The following ZRANB3 variants were observed in gnomAD, a reference collection of about 807,000 sequenced individuals.
ZRANB3 encodes zinc finger RANBP2-type containing 3.
In ZRANB3, 125 loss-of-function variants were observed where a neutral mutation model predicts 133.8. The observed-to-expected ratio is 0.93, with a 90% CI of 0.81 to 1.08. The LOEUF (loss-of-function observed/expected upper bound fraction) is 1.08, where lower values mean the gene tolerates loss of function less well. Ranked by LOEUF, ZRANB3 falls within the 50% of genes least tolerant of loss-of-function variation. The pLI is 0.00. For synonymous variants in ZRANB3, 387 were observed against 432.7 expected (o/e 0.89, Z 1.31); for missense variants, 1,229 against 1,275.5 (o/e 0.96, Z 0.56).
intron 8 of ZRANB3, among the ~76,000 whole-genome samples, chr2:135,298,789 T>G (rs961347869): frequency 3.3e-5 from 5 of 152,210 alleles, no homozygotes; most frequent in Non-Finnish European, 5.9e-5. Context: ...ACTGGTTTTC[T>G]TGAATGCTGG....
intron 6 of ZRANB3, among the ~76,000 whole-genome samples, chr2:135,328,158 T>C (rs1683935446): frequency 6.6e-6 from 1 of 152,146 alleles, no homozygotes; most frequent in Non-Finnish European, 1.5e-5. Context: ...GTTGGTTTGC[T>C]GCACCCATCA....
chr2:135,486,160 CTCTT>C (rs1425965350), intron 2 of ZRANB3, among the ~76,000 whole-genome samples: 9 of 152,162 alleles, frequency 5.9e-5, no homozygotes, highest in South Asian at 2.1e-4. Flanking sequence ...CATCAATTGA[CTCTT>C]TCTTTCATGA....
chr2:135,517,332 C>T (rs551541972), intron 1 of ZRANB3, among the ~76,000 whole-genome samples: 1 of 152,120 alleles, frequency 6.6e-6, no homozygotes. Flanking sequence ...AGGAGTGATC[C>T]TTTGGAGGAG....
At position 135,411,400 on chromosome 2, in the gene ZRANB3, G is replaced by C. The variant is rs1430105142; in HGVS notation, c.162-20580C>G. On this transcript the variant is annotated intron_variant, in intron 2 of 20. Transcript: ENST00000264159. ...AAAAATAGAATTACCACTCAAATCA[G>C]AAACCCTACTACTGGGTATTTATCC... 3.3e-5 allele frequency among the ~76,000 whole-genome samples: 5 copies of C among 152,090 alleles called. No individual in the cohort carries two copies. The East Asian group carries it at 5.8e-4, about 18-fold the overall frequency.
intron 3 of ZRANB3, among the ~76,000 whole-genome samples, chr2:135,359,346 G>T (rs1685571673): frequency 6.6e-6 from 1 of 152,066 alleles, no homozygotes; most frequent in Admixed American, 6.6e-5. Flanking sequence ...CATTTTGGGA[G>T]GCCGAGGCAG....
At chr2:135,390,844 T>C (rs746788636) in intron 2 of ZRANB3, 24 bp from the exon 3 acceptor site, 2 of 1,316,272 alleles carry the variant, frequency 1.5e-6, no homozygotes, top group Non-Finnish European at 2.1e-6. Context: ...AAAAAAAAAA[T>C]TAATTATCAG....
chr2:135,380,125 A>T, intron 3 of ZRANB3, among the ~76,000 whole-genome samples: 1 of 152,232 alleles, frequency 6.6e-6, no homozygotes, highest in East Asian at 1.9e-4. Context: ...TCCTAAATAT[A>T]CATGCACCCA....
At chr2:135,215,285 C>T (rs554858832) in intron 17 of ZRANB3, among the ~76,000 whole-genome samples, 1 of 151,604 alleles carries the variant, frequency 6.6e-6, no homozygotes, top group South Asian at 2.1e-4. Context: ...GAGACAAGGT[C>T]TCACTCTGTC....
At chr2:135,231,578 G>A (rs139178157) in intron 12 of ZRANB3, among the ~76,000 whole-genome samples, 162 of 152,140 alleles carry the variant, frequency 1.1e-3, no homozygotes, top group East Asian at 7.7e-3. Flanking sequence ...TGGGCAACAC[G>A]GTGAAACCCC....
chr2:135,333,328 A>G (rs996153188), intron 6 of ZRANB3, among the ~76,000 whole-genome samples: 1 of 152,214 alleles, frequency 6.6e-6, no homozygotes, highest in Non-Finnish European at 1.5e-5. Flanking sequence ...ATGCAACCAT[A>G]ATGTATACCA....
chr2:135,416,545 A>G (rs947236283), intron 2 of ZRANB3, among the ~76,000 whole-genome samples: 9 of 151,838 alleles, frequency 5.9e-5, no homozygotes, highest in Non-Finnish European at 1.0e-4. Flanking sequence ...AAGGTAATTT[A>G]TAGATTCAAT....
At chr2:135,405,431 C>G (rs7601632) in intron 2 of ZRANB3, among the ~76,000 whole-genome samples, 28,959 of 151,946 alleles carry the variant, frequency 0.19, 3,700 homozygotes, top group African/African-American at 0.34. Context: ...AGTTAACAAG[C>G]ATATCCAGGA....
At chr2:135,257,686 T>C (rs1679729158) in intron 12 of ZRANB3, among the ~76,000 whole-genome samples, 3 of 152,236 alleles carry the variant, frequency 2.0e-5, no homozygotes, top group African/African-American at 7.2e-5. Context: ...GATGTTTATA[T>C]AATGAATGAT....
chr2:135,278,568 A>T (rs1048828855), intron 8 of ZRANB3, among the ~76,000 whole-genome samples: 10 of 152,204 alleles, frequency 6.6e-5, no homozygotes, highest in Middle Eastern at 3.2e-3. Context: ...GGAGCTAATC[A>T]GAAGGAATCA....
chr2:135,494,922 A>G (rs1692596103), intron 2 of ZRANB3, among the ~76,000 whole-genome samples: 1 of 152,234 alleles, frequency 6.6e-6, no homozygotes, highest in Non-Finnish European at 1.5e-5. Flanking sequence ...CTGACAAAAT[A>G]TATTAAAGTA....
intron 12 of ZRANB3, among the ~76,000 whole-genome samples, chr2:135,259,877 C>A (rs573119145): frequency 6.6e-6 from 1 of 151,884 alleles, no homozygotes; most frequent in Middle Eastern, 3.2e-3. Context: ...TAGACGCCAT[C>A]TAGTAATCTA....
At chr2:135,496,698 A>G (rs1277931436) in intron 2 of ZRANB3, among the ~76,000 whole-genome samples, 1 of 152,240 alleles carries the variant, frequency 6.6e-6, no homozygotes, top group Admixed American at 6.5e-5. Flanking sequence ...TTAAGAACAG[A>G]AAGTTAAATG....
intron 2 of ZRANB3, among the ~76,000 whole-genome samples, chr2:135,407,357 T>C (rs181563910): frequency 0.056 from 8,510 of 152,048 alleles, 462 homozygotes; most frequent in African/African-American, 0.14. Context: ...TCCATGCTCA[T>C]GGGTAGGAAG....
rs1365083441 is a variant in ZRANB3 at position 135,525,209 on chromosome 2, A to G, written c.-8+5918T>C. Among the ~76,000 whole-genome samples, 7 of 152,340 alleles carry G rather than the reference A, an allele frequency of 4.6e-5. No homozygotes were observed. The East Asian group carries it at 1.3e-3, about 29-fold the overall frequency. On this transcript the variant is annotated intron_variant, in intron 1 of 20. Coordinates refer to ENST00000264159, the MANE Select transcript of ZRANB3 (RefSeq NM_032143.4). ...AGCAACAGGCTACACAAAAGAGACT[A>G]AACACCAAAGGATAATAAACATAAA... is the stretch of plus-strand genomic sequence containing the variant.
Sources: gnomAD v4.1 joint callset for allele counts (sites outside exome capture counted in the v4.1 genomes callset) on GRCh38, gnomAD v4.1.1 for gene constraint, MANE v1.5 for transcripts, NCBI Gene and HGNC (gene_info 2026-07-23, HGNC 2026-07-21) for gene names.